Variants in MAN2A1 observed in about 807,000 individuals in gnomAD.
MAN2A1 encodes the protein alpha-mannosidase 2.
MAN2A1 carries 76 observed loss-of-function variants against 142.6 expected under a neutral mutation model. The observed-to-expected ratio is 0.53, with a 90% CI of 0.44 to 0.65. The LOEUF is 0.65. MAN2A1 is among the 30% of genes least tolerant of loss of function. The pLI, the probability that MAN2A1 is intolerant of heterozygous loss-of-function variation, is 0.00. For missense variants in MAN2A1, 1,311 were observed against 1,365.1 expected (o/e 0.96, Z 0.62); for synonymous variants, 559 against 473.2 (o/e 1.18, Z -2.35).
Position 109,866,848 on chromosome 5 carries a change from A to T in MAN2A1, c.3285A>T (p.Ile1095=). ...GLFCSTTQGK[I]LVQKLLNKFI... Reference sequence around the variant, plus strand: ...AAATTTTATCATTTACTTTTCAGATATTGGTACAGAAACTTTTAAACAAGT... The same window carrying T: ...AAATTTTATCATTTACTTTTCAGATTTTGGTACAGAAACTTTTAAACAAGT... Residue 1095 remains isoleucine (I), a splice_region_variant and synonymous_variant, in exon 22 of 22, where the codon ATA becomes ATT. Transcript: ENST00000261483. 1 of 1,596,258 alleles carries T rather than the reference A, an allele frequency of 6.3e-7. No individual in the cohort carries two copies. Among genetic ancestry groups the T allele is most frequent in the Non-Finnish European group, 8.6e-7 (1 of 1,168,782 alleles).
At chr5:109,853,568 C>T (rs896651867) in intron 19 of MAN2A1, 5 of 152,284 alleles carry the variant, frequency 3.3e-5, no homozygotes, top group African/African-American at 1.2e-4. Context: ...GGAACAAAGC[C>T]AGAGCTTTCT....
intron 4 of MAN2A1, among the ~76,000 whole-genome samples, chr5:109,738,457 T>C (rs1198391450): frequency 6.6e-6 from 1 of 152,104 alleles, no homozygotes; most frequent in Non-Finnish European, 1.5e-5. Context: ...TACCACTCTT[T>C]TGTTGTTCGT....
chr5:109,844,668 C>G (rs967526193), intron 17 of MAN2A1, among the ~76,000 whole-genome samples: 2 of 152,162 alleles, frequency 1.3e-5, no homozygotes, highest in African/African-American at 4.8e-5. Context: ...AATAACCTTC[C>G]TTGCCCTTTC....
Position 109,690,697 on chromosome 5 carries a change from A to G in MAN2A1, c.135+145A>G, listed in dbSNP as rs1008957413. 3 of 910,278 alleles carry G rather than the reference A, an allele frequency of 3.3e-6. No individual in the cohort carries two copies. The Admixed American group carries it at 7.9e-5, about 24-fold the overall frequency. 56.4% of individuals were successfully genotyped at this position (910,278 alleles called of 1,614,324 possible). On this transcript the variant is annotated intron_variant, in intron 1 of 21. Coordinates refer to ENST00000261483, the MANE Select transcript of MAN2A1 (RefSeq NM_002372.4). ...AGGGGCTCTGTAGCTCTCGGACGGC[A>G]ATGATCACCTCCTGGGAGCCACCTC...
intron 12 of MAN2A1, among the ~76,000 whole-genome samples, chr5:109,808,500 T>C (rs1754231942): frequency 6.6e-6 from 1 of 152,090 alleles, no homozygotes; most frequent in Admixed American, 6.6e-5. Context: ...ATTTAAAAAA[T>C]TCTTTATAAA....
At chr5:109,863,334 T>C (rs1433972896) in intron 20 of MAN2A1, 1 of 152,214 alleles carries the variant, frequency 6.6e-6, no homozygotes, top group East Asian at 1.9e-4. Context: ...GTGCCAGACA[T>C]TTGGCCAGAT....
chr5:109,825,114 T>C (rs765281330), intron 16 of MAN2A1, among the ~76,000 whole-genome samples: 2 of 152,202 alleles, frequency 1.3e-5, no homozygotes, highest in Non-Finnish European at 2.9e-5. Flanking sequence ...TAATCTTCTA[T>C]TGAGTTTCTC....
intron 5 of MAN2A1, among the ~76,000 whole-genome samples, chr5:109,755,700 T>G (rs1392757411): frequency 6.6e-6 from 1 of 152,010 alleles, no homozygotes; most frequent in African/African-American, 2.4e-5. Flanking sequence ...TTATTGGTTT[T>G]GGGATTATTT....
intron 20 of MAN2A1, among the ~76,000 whole-genome samples, chr5:109,859,500 C>A (rs1216665001): frequency 6.6e-6 from 1 of 152,164 alleles, no homozygotes; most frequent in Non-Finnish European, 1.5e-5. Flanking sequence ...ACAAACTTAC[C>A]CATTAGCTTT....
Position 109,866,830 on chromosome 5 carries a change from A to G in MAN2A1, c.3283-16A>G, listed in dbSNP as rs1174990170. 3.2e-6 allele frequency: 5 copies of G among 1,558,948 alleles called. No homozygotes were observed. Among genetic ancestry groups the G allele is most frequent in the Non-Finnish European group, 4.4e-6 (5 of 1,136,254 alleles). On this transcript the variant is annotated splice_polypyrimidine_tract_variant and intron_variant, in intron 21 of 21. Coordinates refer to ENST00000261483, the MANE Select transcript of MAN2A1 (RefSeq NM_002372.4). Reference sequence around the variant, plus strand: ...AAGTTGATCTAAATATGTAAATTTTATCATTTACTTTTCAGATATTGGTAC... The same window carrying G: ...AAGTTGATCTAAATATGTAAATTTTGTCATTTACTTTTCAGATATTGGTAC...
chr5:109,733,179 T>A (rs188152873), intron 4 of MAN2A1, among the ~76,000 whole-genome samples: 4,116 of 152,262 alleles, frequency 0.027, 79 homozygotes, highest in Non-Finnish European at 0.04. Flanking sequence ...GTTATTGGTG[T>A]ATAAGAATGC....
chr5:109,727,974 T>C (rs1751792185), intron 3 of MAN2A1, among the ~76,000 whole-genome samples: 1 of 152,152 alleles, frequency 6.6e-6, no homozygotes, highest in South Asian at 2.1e-4. Context: ...TGTGGAAAAA[T>C]TGAAGTATCC....
intron 9 of MAN2A1, among the ~76,000 whole-genome samples, chr5:109,783,986 C>T (rs1753530945): frequency 6.6e-6 from 1 of 152,014 alleles, no homozygotes; most frequent in Non-Finnish European, 1.5e-5. Flanking sequence ...CCACCTCAGC[C>T]TCCTGAGTAG....
At chr5:109,865,226 C>A in intron 21 of MAN2A1, 80 bp downstream of exon 21, 1 of 999,396 alleles carries the variant, frequency 1.0e-6, no homozygotes, top group Non-Finnish European at 1.6e-6. Flanking sequence ...ACAATAAGAT[C>A]ATGTTTCATT....
rs539676314 is a variant in MAN2A1, at chr5:109,720,362, G to A, written c.535+4098G>A. Among the ~76,000 whole-genome samples, 20 of 152,268 alleles carry A rather than the reference G, an allele frequency of 1.3e-4. No individual in the cohort carries two copies. The South Asian group carries it at 3.9e-3, about 30-fold the overall frequency. On this transcript the variant is annotated intron_variant, in intron 3 of 21. Coordinates refer to ENST00000261483, the MANE Select transcript of MAN2A1 (RefSeq NM_002372.4). ...AGAACTTTTTATTGACTCAGAGGGT[G>A]ATTAGGACTTTTTGCTTTTTTGTGT...
rs11351742 is a variant in MAN2A1 at position 109,867,157 on chromosome 5, G to GAA, written c.*179_*180dup. On this transcript the variant is annotated 3_prime_UTR_variant, in exon 22 of 22. Coordinates refer to ENST00000261483, the MANE Select transcript of MAN2A1 (RefSeq NM_002372.4). The stretch of plus-strand genomic sequence containing the variant: ...CTTTTTTCTTTTACCAGTACAGTAA[G>GAA]AAAAAAAAAAAAAAAAAAAAAGCCA... 2,027 of 93,814 alleles carry GAA rather than the reference G, an allele frequency of 0.022. 28 individuals carry two copies. The highest frequency in any genetic ancestry group is 0.066 in the Middle Eastern group (12 of 182). 5.8% of individuals were successfully genotyped at this position (93,814 alleles called of 1,614,324 possible). A position where few individuals can be genotyped will look rare whatever the true frequency, so the allele number is the denominator to read the frequency against.
intron 5 of MAN2A1, among the ~76,000 whole-genome samples, chr5:109,759,469 C>A (rs1438923471): frequency 6.6e-6 from 1 of 152,072 alleles, no homozygotes; most frequent in Non-Finnish European, 1.5e-5. Context: ...TGTTGGTAAT[C>A]CATTTCCTTT....
At chr5:109,806,634 T>C (rs1754173814) in intron 12 of MAN2A1, among the ~76,000 whole-genome samples, 1 of 152,230 alleles carries the variant, frequency 6.6e-6, no homozygotes, top group Non-Finnish European at 1.5e-5. Flanking sequence ...ATACTTTCCT[T>C]GCCATTCTTA....
At chr5:109,797,282 T>C (rs1753889120) in intron 12 of MAN2A1, among the ~76,000 whole-genome samples, 1 of 150,318 alleles carries the variant, frequency 6.7e-6, no homozygotes, top group African/African-American at 2.4e-5. Flanking sequence ...GACCTGGAAC[T>C]CTCAAAAAGT....
Sources: gnomAD v4.1 joint callset for allele counts (sites outside exome capture counted in the v4.1 genomes callset) on GRCh38, gnomAD v4.1.1 for gene constraint, MANE v1.5 for transcripts, NCBI Gene and HGNC (gene_info 2026-07-23, HGNC 2026-07-21) for gene names.